Variants in MINK1 observed in about 807,000 individuals in gnomAD.
MINK1 encodes the protein misshapen-like kinase 1.
Under a neutral mutation model 178.4 loss-of-function variants are expected in MINK1, and 46 were observed. That is an observed-to-expected ratio of 0.26 (90% CI 0.20 to 0.33). The LOEUF is 0.33. MINK1 is among the 10% of genes least tolerant of loss of function. The pLI, the probability that MINK1 is intolerant of heterozygous loss-of-function variation, is 1.00. For synonymous variants in MINK1, 797 were observed against 709.7 expected, an observed-to-expected ratio of 1.12 and a Z score of -1.96; for missense variants, 1,366 against 1,814.9, an observed-to-expected ratio of 0.75 and a Z score of 4.49.
chr17:4,897,171 G>T (rs1466912723), intron 31 of MINK1, 33 bp from the exon 32 acceptor site: 2 of 1,594,534 alleles, frequency 1.3e-6, no homozygotes, highest in African/African-American at 1.3e-5. Context: ...CCCAACCTCA[G>T]CCCTTGGTGA....
Position 4,892,681 on chromosome 17 carries a change from C to T in MINK1, c.2224C>T (p.Pro742Ser), listed in dbSNP as rs1466990171. 1.2e-6 allele frequency: 2 copies of T among 1,610,790 alleles called. No individual in the cohort carries two copies. The highest frequency in any genetic ancestry group is 1.7e-6 in the Non-Finnish European group (2 of 1,178,806). Residue 742 changes from proline (P) to serine (S), a missense_variant, in exon 19 of 32, where the codon CCT becomes TCT. Around this residue, in one of 14 missense-constraint regions of MINK1, gnomAD observed 709 missense variants for 692.3 expected, o/e 1.02. Coordinates refer to ENST00000355280, the MANE Select transcript of MINK1 (RefSeq NM_153827.5). ...SSNPDLRRSD[P>S]GWERSDSVLP... ...TAACCCCGACCTCAGGAGGAGCGAC[C>T]CTGGCTGGGAACGCTCGGACAGCGT...
intron 5 of MINK1, 68 bp from the exon 6 acceptor site, chr17:4,884,840 AACTC>A (rs1567605150): frequency 7.4e-7 from 1 of 1,348,804 alleles, no homozygotes; most frequent in Admixed American, 1.9e-5. Flanking sequence ...TTGTCCCCTC[AACTC>A]ACTCCCCACT....
chr17:4,894,402 G>A lies in MINK1; in HGVS notation c.2808+91G>A, dbSNP rs1030583906. ...GCTGGGTAACGGCAGAGGATGGGGC[G>A]GAGCGCTGGGAGCTGGACAGCGGGG... is the stretch of plus-strand genomic sequence containing the variant. On this transcript the variant is annotated intron_variant, in intron 23 of 31. Transcript: ENST00000355280. The surrounding 1 kb of genome is among the most constrained non-coding windows in gnomAD (Gnocchi z 4.1). 2.5e-5 allele frequency: 39 copies of A among 1,538,592 alleles called. No homozygotes were observed. Among genetic ancestry groups the A allele is most frequent in the South Asian group, 1.9e-4 (16 of 83,338 alleles).
At chr17:4,861,065 C>T (rs923271492) in intron 1 of MINK1, among the ~76,000 whole-genome samples, 3 of 152,122 alleles carry the variant, frequency 2.0e-5, no homozygotes, top group South Asian at 2.1e-4. Flanking sequence ...AACCCAGCTC[C>T]GCCTTGCTCT....
rs749541363 is a variant in MINK1, at chr17:4,895,207, G to A, written c.3050G>A (p.Arg1017Gln). 1.2e-6 allele frequency: 2 copies of A among 1,614,114 alleles called. No individual in the cohort carries two copies. The highest frequency in any genetic ancestry group is 1.1e-5 in the South Asian group (1 of 91,082). Residue 1017 changes from arginine (R) to glutamine (Q), a missense_variant, in exon 25 of 32, where the codon CGA (arginine) becomes CAA (glutamine). Arg to Gln is a conservative substitution (Grantham distance 43, BLOSUM62 1). Around this residue, in one of 14 missense-constraint regions of MINK1, gnomAD observed 42 missense variants for 64.0 expected, o/e 0.66. Transcript: ENST00000355280. The surrounding 1 kb of genome is among the most constrained non-coding windows in gnomAD (Gnocchi z 4.3). ...CCTGAGATCCGGAAGTACAAGAAGC[G>A]ATTCAACTCCGAGATCCTCTGTGCA... is the stretch of plus-strand genomic sequence containing the variant. Reference protein sequence around the residue: ...ETPEIRKYKKRFNSEILCAAL... With the variant: ...ETPEIRKYKKQFNSEILCAAL...
chr17:4,839,030 A>G (rs1345320863), intron 1 of MINK1, among the ~76,000 whole-genome samples: 43 of 149,328 alleles, frequency 2.9e-4, no homozygotes, highest in South Asian at 1.1e-3. Context: ...TGCAAGCTCC[A>G]CCTCCCAGGT....
In MINK1 at chr17:4,894,566, G is replaced by A. The variant is rs567807984; in HGVS notation, c.2850G>A (p.Ser950=). 47 of 1,608,912 alleles carry A rather than the reference G, an allele frequency of 2.9e-5. No individual in the cohort carries two copies. The highest frequency in any genetic ancestry group is 1.7e-5 in the Admixed American group (1 of 59,340). ...TGGTAAAGGCCCCTGGCAAGAGCTC[G>A]TTCACGATGTTTGTGGATCTAGGGA... is the stretch of plus-strand genomic sequence containing the variant. The part of the protein sequence containing the change: ...RGLVKAPGKS[S]FTMFVDLGIY... The change falls in exon 24 of 32, where the codon TCG becomes TCA. Residue 950 remains serine, a synonymous_variant. Transcript: ENST00000355280. The surrounding 1 kb of genome is among the most constrained non-coding windows in gnomAD (Gnocchi z 4.1).
At chr17:4,875,816 GA>G (rs1196851298) in intron 1 of MINK1, among the ~76,000 whole-genome samples, 2 of 150,620 alleles carry the variant, frequency 1.3e-5, no homozygotes, top group Non-Finnish European at 3.0e-5. Context: ...CCCCCGCCGA[GA>G]CAGAGCCTTG....
intron 1 of MINK1, among the ~76,000 whole-genome samples, chr17:4,855,109 A>G (rs1267945071): frequency 1.3e-5 from 2 of 148,560 alleles, no homozygotes; most frequent in Admixed American, 6.8e-5. Flanking sequence ...TACTATACTT[A>G]GGAAGCTGAG....
rs1908777974 is a variant in MINK1 at position 4,833,423 on chromosome 17, G to A, written c.-161G>A. On this transcript the variant is annotated 5_prime_UTR_variant, in exon 1 of 32. Coordinates refer to ENST00000355280, the MANE Select transcript of MINK1 (RefSeq NM_153827.5). This position sits in a 1 kb window ranked among gnomAD's most constrained non-coding sequence, Gnocchi z 4.8. Reference sequence around the variant, plus strand: ...GGGGAGATAGCGCCTGTCAGTCGGTGGGTCGGTCCTCGCGCCGGCCCTCCC... The same window carrying A: ...GGGGAGATAGCGCCTGTCAGTCGGTAGGTCGGTCCTCGCGCCGGCCCTCCC... 1.8e-6 allele frequency: 1 copy of A among 564,038 alleles called. No homozygotes were observed. The highest frequency in any genetic ancestry group is 3.1e-6 in the Non-Finnish European group (1 of 325,848). The allele number at this position is 564,038 out of a possible 1,614,324, so 34.9% of individuals were successfully genotyped here.
chr17:4,868,237 A>G (rs1249148396), intron 1 of MINK1, among the ~76,000 whole-genome samples: 1 of 152,158 alleles, frequency 6.6e-6, no homozygotes, highest in Non-Finnish European at 1.5e-5. Context: ...TCGACCTCCC[A>G]AAGTGCTGGG....
rs781287906 is a variant in MINK1, at chr17:4,896,903, G to A, written c.3915+90G>A. The A allele has an allele frequency of 2.9e-5, 43 of 1,464,328 alleles. No individual in the cohort carries two copies. In the Middle Eastern group the frequency reaches 8.6e-4, roughly 29 times the overall value. 90.7% of individuals were successfully genotyped at this position (1,464,328 alleles called of 1,614,324 possible). On this transcript the variant is annotated intron_variant, in intron 31 of 31. Coordinates refer to ENST00000355280, the MANE Select transcript of MINK1 (RefSeq NM_153827.5). The surrounding 1 kb of genome is among the most constrained non-coding windows in gnomAD (Gnocchi z 4.6). ...AGAGTTCTGGGGAGAGGATGGTGGT[G>A]GTGGCTTCCTGAAAGCGGGCCCCTC...
chr17:4,855,905 T>C (rs1197623985), intron 1 of MINK1, among the ~76,000 whole-genome samples: 1 of 147,946 alleles, frequency 6.8e-6, no homozygotes, highest in Non-Finnish European at 1.5e-5. Flanking sequence ...ACCTGGGAGA[T>C]GGAAGTTGCA....
At chr17:4,851,506 C>G (rs533979120) in intron 1 of MINK1, among the ~76,000 whole-genome samples, 5 of 152,298 alleles carry the variant, frequency 3.3e-5, no homozygotes, top group African/African-American at 1.2e-4. Context: ...TGCCCCCCTG[C>G]GATGGGGACT....
chr17:4,849,323 C>T lies in MINK1; in HGVS notation c.57+15683C>T, dbSNP rs114196435. Among the ~76,000 whole-genome samples the T allele has an allele frequency of 6.5e-3, 989 of 152,288 alleles. 10 individuals carry two copies. Among genetic ancestry groups the T allele is most frequent in the African/African-American group, 0.022 (912 of 41,560 alleles). On this transcript the variant is annotated intron_variant, in intron 1 of 31. Coordinates refer to ENST00000355280, the MANE Select transcript of MINK1 (RefSeq NM_153827.5). Reference sequence around the variant, plus strand: ...GACCCACCCAGAGAAAGCATTCAGCCTGAGGGGAAAACCTATGCCTCACCC... The same window carrying T: ...GACCCACCCAGAGAAAGCATTCAGCTTGAGGGGAAAACCTATGCCTCACCC...
In MINK1 at chr17:4,894,713, A is replaced by G; in HGVS notation, c.2917+80A>G. 9.2e-7 allele frequency: 1 copy of G among 1,084,794 alleles called. No individual in the cohort carries two copies. 67.2% of individuals were successfully genotyped at this position (1,084,794 alleles called of 1,614,324 possible). On this transcript the variant is annotated intron_variant, in intron 24 of 31. Transcript: ENST00000355280. The surrounding 1 kb of genome is among the most constrained non-coding windows in gnomAD (Gnocchi z 4.1). ...GGGGAGCACAGTGGTCTTGAGACGC[A>G]GCCTCACAAAGCATAGCCACAGGAC...
rs144435389 is a variant in MINK1, at chr17:4,895,607, C to T, written c.3230-91C>T. On this transcript the variant is annotated intron_variant, in intron 26 of 31. Transcript: ENST00000355280. This position sits in a 1 kb window ranked among gnomAD's most constrained non-coding sequence, Gnocchi z 4.3. ...AAGGTGGGGCCACACTTTCTCACCC[C>T]TTGTGGTATGCTGACAGAGGAGGCC... 1.3e-6 allele frequency: 2 copies of T among 1,560,590 alleles called. No individual in the cohort carries two copies. The highest frequency in any genetic ancestry group is 2.7e-5 in the African/African-American group (2 of 74,130).
At chr17:4,888,691 T>A (rs1255088968) in intron 12 of MINK1, among the ~76,000 whole-genome samples, 1 of 5,108 alleles carries the variant, frequency 2.0e-4, no homozygotes, top group African/African-American at 1.1e-3. Context: ...AAGTCCTATC[T>A]TTTTTTTTTT....
chr17:4,896,132 T>C lies in MINK1; in HGVS notation c.3465+29T>C. The C allele has an allele frequency of 1.2e-6, 2 of 1,606,814 alleles. No individual in the cohort carries two copies. Among genetic ancestry groups the C allele is most frequent in the Non-Finnish European group, 8.5e-7 (1 of 1,176,536 alleles). On this transcript the variant is annotated intron_variant, in intron 28 of 31. Transcript: ENST00000355280. This position sits in a 1 kb window ranked among gnomAD's most constrained non-coding sequence, Gnocchi z 4.6. ...ATCCCAGCCTCGGTCCCTAACACCA[T>C]CTGGAGTCCCAGCGCCTCTCCCCGT...
Sources: gnomAD v4.1 joint callset for allele counts (sites outside exome capture counted in the v4.1 genomes callset) on GRCh38, gnomAD v4.1.1 for gene constraint, gnomAD v4.1.1 regional missense constraint, Gnocchi (gnomAD v3.1) non-coding constraint, MANE v1.5 for transcripts, NCBI Gene and HGNC (gene_info 2026-07-23, HGNC 2026-07-21) for gene names.